The following TENM2 variants were observed in gnomAD, a reference collection of about 807,000 sequenced individuals.
TENM2 encodes the protein teneurin-2.
TENM2 carries 52 observed loss-of-function variants against 245.2 expected under a neutral mutation model. That is an observed-to-expected ratio of 0.21 (90% CI 0.17 to 0.27). TENM2 has a LOEUF of 0.27. Among genes scored for constraint, TENM2 ranks in the 10% least tolerant of loss-of-function variants. The probability of loss-of-function intolerance (pLI) is 1.00; values close to 1 mark genes in which losing one functional copy is unlikely to be tolerated. For synonymous variants in TENM2, 1,363 were observed against 1,438.9 expected, an observed-to-expected ratio of 0.95 and a Z score of 1.19; for missense variants, 3,046 against 3,666.8, an observed-to-expected ratio of 0.83 and a Z score of 4.37.
chr5:168,149,513 A>C, intron 12 of TENM2: 1 of 456,202 alleles, frequency 2.2e-6, no homozygotes, highest in South Asian at 1.5e-5. Flanking sequence ...GCATGTTAGG[A>C]AAACAGAAAC....
At chr5:167,401,007 C>T (rs1762336495) in intron 2 of TENM2, among the ~76,000 whole-genome samples, 1 of 152,008 alleles carries the variant, frequency 6.6e-6, no homozygotes, top group South Asian at 2.1e-4. Flanking sequence ...AGAAGGATTG[C>T]TTGAGCCCAG....
intron 21 of TENM2, among the ~76,000 whole-genome samples, chr5:168,215,733 A>G (rs1701886586): frequency 6.6e-6 from 1 of 152,228 alleles, no homozygotes. Flanking sequence ...ATAGGCTCCA[A>G]GTGGAAAGTG....
chr5:167,030,010 C>A, the TENM2 span, among the ~76,000 whole-genome samples: 1 of 152,310 alleles, frequency 6.6e-6, no homozygotes, highest in East Asian at 1.9e-4. Context: ...CTGATTTTGA[C>A]AAAAGCAGTC....
intron 2 of TENM2, among the ~76,000 whole-genome samples, chr5:167,609,515 A>AAAAAAAAAAAAG (rs1582533515): frequency 3.4e-5 from 3 of 87,826 alleles, no homozygotes; most frequent in East Asian, 3.4e-4. Flanking sequence ...AAAAAAAACA[A>AAAAAAAAAAAAG]AACCTTACCT....
the TENM2 span, among the ~76,000 whole-genome samples, chr5:167,126,010 A>G: frequency 6.6e-6 from 1 of 152,180 alleles, no homozygotes; most frequent in African/African-American, 2.4e-5. Context: ...TTTGCCTCAT[A>G]AAGGTTTACT....
At chr5:168,075,398 A>G (rs1426946418) in intron 7 of TENM2, among the ~76,000 whole-genome samples, 1 of 152,082 alleles carries the variant, frequency 6.6e-6, no homozygotes, top group Non-Finnish European at 1.5e-5. Context: ...TAAAACATGC[A>G]CCAATGCACA....
chr5:167,386,415 G>A (rs1475392805), intron 2 of TENM2, among the ~76,000 whole-genome samples: 1 of 152,088 alleles, frequency 6.6e-6, no homozygotes, highest in East Asian at 1.9e-4. Flanking sequence ...CTGGTTGTTA[G>A]TCCTTTGTCA....
At chr5:167,638,091 GT>G (rs1314180817) in intron 2 of TENM2, among the ~76,000 whole-genome samples, 28 of 312 alleles carry the variant, frequency 0.09, no homozygotes, top group Middle Eastern at 0.5. Context: ...AACAGGGCAG[GT>G]GTGTGTGTGT....
chr5:167,396,045 A>C (rs9313377), intron 2 of TENM2, among the ~76,000 whole-genome samples: 94,531 of 152,050 alleles, frequency 0.62, 31,576 homozygotes, highest in African/African-American at 0.89. Flanking sequence ...CTATAGAAAA[A>C]AATATGGAGT....
intron 11 of TENM2, among the ~76,000 whole-genome samples, chr5:168,125,358 A>G (rs1477592037): frequency 6.6e-6 from 1 of 152,076 alleles, no homozygotes; most frequent in Non-Finnish European, 1.5e-5. Context: ...AAAACAGAAC[A>G]TTTCAGCCCC....
intron 12 of TENM2, among the ~76,000 whole-genome samples, chr5:168,151,497 T>C (rs1344922057): frequency 6.6e-6 from 1 of 152,230 alleles, no homozygotes; most frequent in Non-Finnish European, 1.5e-5. Flanking sequence ...ATATTTATTA[T>C]GTGCCATGCA....
chr5:167,665,959 A>G (rs1225794005), intron 2 of TENM2, among the ~76,000 whole-genome samples: 1 of 152,230 alleles, frequency 6.6e-6, no homozygotes, highest in Non-Finnish European at 1.5e-5. Flanking sequence ...TCTAGCTGAT[A>G]ACTTCCACTT....
At chr5:168,224,307 G>C (rs1220504013) in intron 23 of TENM2, among the ~76,000 whole-genome samples, 1 of 152,148 alleles carries the variant, frequency 6.6e-6, no homozygotes, top group African/African-American at 2.4e-5. Context: ...GATAGCGGTG[G>C]ATCCTGAGCT....
At chr5:167,285,943 GGAGT>G (rs1771319519) in intron 1 of TENM2, among the ~76,000 whole-genome samples, 1 of 152,176 alleles carries the variant, frequency 6.6e-6, no homozygotes, top group Non-Finnish European at 1.5e-5. Context: ...CATGTCCTTG[GGAGT>G]AAATGTTGCA....
chr5:167,050,639 G>A, the TENM2 span, among the ~76,000 whole-genome samples: 2 of 152,124 alleles, frequency 1.3e-5, no homozygotes, highest in Non-Finnish European at 2.9e-5. Flanking sequence ...AATTATTGAG[G>A]TCATTATAGG....
At chr5:167,517,923 C>T (rs540188228) in intron 2 of TENM2, among the ~76,000 whole-genome samples, 2 of 152,178 alleles carry the variant, frequency 1.3e-5, no homozygotes, top group South Asian at 2.1e-4. Context: ...CACCGTGGCT[C>T]ATGTCTGTAA....
intron 2 of TENM2, among the ~76,000 whole-genome samples, chr5:167,493,886 G>T (rs1417176252): frequency 6.6e-6 from 1 of 152,192 alleles, no homozygotes; most frequent in Non-Finnish European, 1.5e-5. Context: ...AAATAGGGTG[G>T]TAGGCATAAA....
intron 2 of TENM2, among the ~76,000 whole-genome samples, chr5:167,836,055 T>A (rs1390628094): frequency 1.3e-5 from 2 of 152,204 alleles, no homozygotes; most frequent in East Asian, 3.9e-4. Flanking sequence ...TTAAAACTGG[T>A]GGGGGAGAAG....
chr5:167,040,721 A>G, the TENM2 span, among the ~76,000 whole-genome samples: 1 of 152,200 alleles, frequency 6.6e-6, no homozygotes, highest in Non-Finnish European at 1.5e-5. Flanking sequence ...ATAAATTCTA[A>G]ACATATATAT....
Sources: gnomAD v4.1 joint callset for allele counts (sites outside exome capture counted in the v4.1 genomes callset) on GRCh38, gnomAD v4.1.1 for gene constraint, MANE v1.5 for transcripts, NCBI Gene and HGNC (gene_info 2026-07-23, HGNC 2026-07-21) for gene names.